PKIB: variants seen among roughly 807,000 people sequenced by gnomAD.
PKIB encodes the protein cAMP-dependent protein kinase inhibitor beta, also known as PKI-beta.
In PKIB, 2 loss-of-function variants were observed where a neutral mutation model predicts 4.5. The ratio of observed to expected loss-of-function variants is 0.44; its 90% CI spans 0.18 to 1.39. PKIB has a LOEUF of 1.39. PKIB is among the 40% of genes most tolerant of loss of function. The pLI is 0.27. For missense variants in PKIB, 94 were observed against 92.6 expected (o/e 1.02, Z -0.06); for synonymous variants, 38 against 36.0 (o/e 1.06, Z -0.20).
At chr6:122,506,756 G>A (rs1776414846) in intron 2 of PKIB, among the ~76,000 whole-genome samples, 1 of 142,920 alleles carries the variant, frequency 7.0e-6, no homozygotes, top group South Asian at 2.2e-4. Flanking sequence ...CGGGAGTGCA[G>A]TGGCGCAATC....
At chr6:122,493,828 C>G (rs1259874555) in intron 2 of PKIB, among the ~76,000 whole-genome samples, 1 of 152,144 alleles carries the variant, frequency 6.6e-6, no homozygotes, top group African/African-American at 2.4e-5. Flanking sequence ...TACCTTCACT[C>G]TAGTTATATT....
intron 3 of PKIB, among the ~76,000 whole-genome samples, chr6:122,588,310 G>T (rs1173834788): frequency 1.3e-5 from 2 of 152,142 alleles, no homozygotes; most frequent in African/African-American, 4.8e-5. Flanking sequence ...TCAAAGATCA[G>T]ATAGTTGTAG....
At chr6:122,581,313 A>G (rs1203434913) in intron 2 of PKIB, among the ~76,000 whole-genome samples, 1 of 152,144 alleles carries the variant, frequency 6.6e-6, no homozygotes, top group Non-Finnish European at 1.5e-5. Context: ...ATTTCTTCCT[A>G]CTTTATCAGT....
intron 3 of PKIB, among the ~76,000 whole-genome samples, chr6:122,704,061 T>C (rs1200327022): frequency 1.3e-5 from 2 of 151,252 alleles, no homozygotes; most frequent in African/African-American, 4.9e-5. Flanking sequence ...TGGTTCCAGT[T>C]TGTGTTCAAG....
At chr6:122,671,616 A>G (rs551914813) in intron 2 of PKIB, among the ~76,000 whole-genome samples, 69 of 152,348 alleles carry the variant, frequency 4.5e-4, no homozygotes, top group African/African-American at 1.6e-3. Flanking sequence ...CATTTTTCAG[A>G]GAAGTCACTG....
chr6:122,519,254 GC>G (rs1776861774), intron 2 of PKIB, among the ~76,000 whole-genome samples: 1 of 152,088 alleles, frequency 6.6e-6, no homozygotes, highest in South Asian at 2.1e-4. Context: ...AGATTCTAAT[GC>G]CTGATGATCT....
chr6:122,561,799 G>T (rs1362605131), intron 2 of PKIB, among the ~76,000 whole-genome samples: 1 of 151,926 alleles, frequency 6.6e-6, no homozygotes, highest in Non-Finnish European at 1.5e-5. Context: ...TTAAGTTCAT[G>T]TGAGTCCTTA....
chr6:122,564,001 T>G (rs944112587), intron 2 of PKIB, among the ~76,000 whole-genome samples: 1 of 152,166 alleles, frequency 6.6e-6, no homozygotes, highest in African/African-American at 2.4e-5. Flanking sequence ...TATTACAAAG[T>G]TCTGCTAGGG....
intron 2 of PKIB, among the ~76,000 whole-genome samples, chr6:122,656,429 T>TACTTA (rs764942266): frequency 1.8e-4 from 28 of 152,360 alleles, no homozygotes; most frequent in Admixed American, 4.6e-4. Context: ...ATTTTAAATA[T>TACTTA]AGTATTTGAA....
intron 2 of PKIB, chr6:122,478,919 A>G (rs992942484): frequency 1.1e-4 from 16 of 152,130 alleles, no homozygotes; most frequent in African/African-American, 3.9e-4. Flanking sequence ...GGTTGTGAAG[A>G]CCGTGGGAAA....
At chr6:122,598,958 T>C (rs1398361880) in intron 3 of PKIB, among the ~76,000 whole-genome samples, 3 of 152,122 alleles carry the variant, frequency 2.0e-5, no homozygotes, top group Non-Finnish European at 4.4e-5. Context: ...TTCTCCAGAT[T>C]TGTGTTTATA....
intron 3 of PKIB, 55 bp from the exon 4 acceptor site, chr6:122,717,732 T>G (rs764897033): frequency 6.4e-7 from 1 of 1,568,026 alleles, no homozygotes; most frequent in Non-Finnish European, 8.7e-7. Context: ...ACCACTGTGG[T>G]GAACATTTAC....
At chr6:122,533,146 TTTTATTTATTTATTTA>T (rs57942146) in intron 2 of PKIB, among the ~76,000 whole-genome samples, 19,983 of 105,310 alleles carry the variant, frequency 0.19, 1,813 homozygotes, top group East Asian at 0.34. Flanking sequence ...GCACAAAACT[TTTTATTTATTTATTTA>T]TTTATTTATT....
rs114388483 is a variant in PKIB, at chr6:122,669,033, A to G, written c.-75-6045A>G. On this transcript the variant is annotated intron_variant, in intron 2 of 4. Coordinates refer to ENST00000368452, the MANE Select transcript of PKIB (RefSeq NM_181795.3). ...AGTTTGAGACCAGCCTGGAAAATAT[A>G]TTGAGACCCCATTCCTATTAAAAAA... Among the ~76,000 whole-genome samples the G allele has an allele frequency of 1.4e-3, 217 of 152,282 alleles. 1 individual carries two copies. Among genetic ancestry groups the G allele is most frequent in the African/African-American group, 4.8e-3 (201 of 41,562 alleles).
intron 2 of PKIB, among the ~76,000 whole-genome samples, chr6:122,539,455 T>G (rs1028606297): frequency 6.6e-6 from 1 of 152,090 alleles, no homozygotes; most frequent in African/African-American, 2.4e-5. Flanking sequence ...GGTTTTTGTC[T>G]TTGGTTCTGT....
At chr6:122,714,230 A>C (rs1356816251) in intron 3 of PKIB, among the ~76,000 whole-genome samples, 2 of 152,170 alleles carry the variant, frequency 1.3e-5, no homozygotes, top group African/African-American at 4.8e-5. Context: ...GGGGTTAGCT[A>C]TTCGGTCTGC....
intron 1 of PKIB, among the ~76,000 whole-genome samples, chr6:122,612,622 A>G (rs1774808797): frequency 6.6e-6 from 1 of 152,212 alleles, no homozygotes; most frequent in African/African-American, 2.4e-5. Flanking sequence ...GGCATGTATC[A>G]GTATTTCATT....
intron 2 of PKIB, among the ~76,000 whole-genome samples, chr6:122,636,462 G>C (rs1261378783): frequency 6.6e-6 from 1 of 151,774 alleles, no homozygotes; most frequent in Non-Finnish European, 1.5e-5. Context: ...ATATTATATA[G>C]CTATGAATAA....
chr6:122,680,539 A>G (rs1386993080), intron 3 of PKIB, among the ~76,000 whole-genome samples: 1 of 152,174 alleles, frequency 6.6e-6, no homozygotes. Context: ...GGCTTTGGGA[A>G]AAGAGGGATT....
Sources: allele counts gnomAD v4.1 joint callset (sites outside exome capture counted in the v4.1 genomes callset), GRCh38; gene constraint gnomAD v4.1.1; transcripts MANE v1.5; gene names NCBI Gene and HGNC (gene_info 2026-07-23, HGNC 2026-07-21).